The following PRKD1 variants were observed in gnomAD, a reference collection of about 807,000 sequenced individuals.
PRKD1 encodes serine/threonine-protein kinase D1.
Under a neutral mutation model 95.9 loss-of-function variants are expected in PRKD1, and 63 were observed. That is an observed-to-expected ratio of 0.66 (90% CI 0.54 to 0.81). The LOEUF (loss-of-function observed/expected upper bound fraction) is 0.81. PRKD1 is among the 30% of genes least tolerant of loss of function. The pLI is 0.00. For missense variants in PRKD1, 1,048 were observed against 1,165.3 expected (o/e 0.90, Z 1.47); for synonymous variants, 425 against 423.1 (o/e 1.00, Z -0.05).
At chr14:29,911,189 T>C (rs2139446750) in intron 1 of PRKD1, among the ~76,000 whole-genome samples, 1 of 152,318 alleles carries the variant, frequency 6.6e-6, no homozygotes, top group Middle Eastern at 3.4e-3. Context: ...TAAAGGTTTA[T>C]CAAGCAGGTG....
At chr14:29,794,121 A>G (rs552823474) in intron 1 of PRKD1, among the ~76,000 whole-genome samples, 2 of 152,198 alleles carry the variant, frequency 1.3e-5, no homozygotes, top group Non-Finnish European at 2.9e-5. Context: ...TTAGATTACA[A>G]TGCTGATTCT....
Position 29,927,637 on chromosome 14 carries a change from T to A in PRKD1, c.-125A>T. The A allele has an allele frequency of 1.4e-6, 1 of 694,240 alleles. No homozygotes were observed. The highest frequency in any genetic ancestry group is 1.8e-6 in the Non-Finnish European group (1 of 562,638). The allele number at this position is 694,240 out of a possible 1,614,324, so 43.0% of individuals were successfully genotyped here. A position where few individuals can be genotyped will look rare whatever the true frequency, so the allele number is the denominator to read the frequency against. ...GAGCCCAGACGGAAAATAAAAACTT[T>A]CCGGAAAAGTCCCTGGGCTGGGGGA... On this transcript the variant is annotated 5_prime_UTR_variant, in exon 1 of 18. Coordinates refer to ENST00000331968, the MANE Select transcript of PRKD1 (RefSeq NM_002742.3).
intron 1 of PRKD1, among the ~76,000 whole-genome samples, chr14:29,762,542 T>C (rs1888045015): frequency 6.6e-6 from 1 of 152,186 alleles, no homozygotes; most frequent in Non-Finnish European, 1.5e-5. Context: ...ACCTGTATAA[T>C]TACTAACAGA....
intron 2 of PRKD1, among the ~76,000 whole-genome samples, chr14:29,675,139 T>A (rs1186635442): frequency 6.6e-6 from 1 of 152,062 alleles, no homozygotes; most frequent in Non-Finnish European, 1.5e-5. Flanking sequence ...ACTTAGAGAC[T>A]CCCCCTATTC....
intron 1 of PRKD1, among the ~76,000 whole-genome samples, chr14:29,799,311 T>C (rs1225114639): frequency 6.6e-6 from 1 of 152,208 alleles, no homozygotes; most frequent in African/African-American, 2.4e-5. Context: ...AGAAAACAAA[T>C]TGCTTCCCTA....
intron 1 of PRKD1, among the ~76,000 whole-genome samples, chr14:29,786,848 C>G (rs1205166350): frequency 6.6e-6 from 1 of 151,526 alleles, no homozygotes; most frequent in Non-Finnish European, 1.5e-5. Flanking sequence ...CTGCTCTGAT[C>G]TTTATTTCTT....
At chr14:29,729,534 T>A (rs1010217939) in intron 1 of PRKD1, among the ~76,000 whole-genome samples, 1 of 152,068 alleles carries the variant, frequency 6.6e-6, no homozygotes, top group Admixed American at 6.6e-5. Flanking sequence ...ATTTCTTATA[T>A]CCTTTCTTTT....
At chr14:29,629,836 A>G (rs986828463) in intron 10 of PRKD1, among the ~76,000 whole-genome samples, 1 of 152,118 alleles carries the variant, frequency 6.6e-6, no homozygotes, top group African/African-American at 2.4e-5. Flanking sequence ...AATACCCTGC[A>G]CAGAATACTA....
intron 16 of PRKD1, among the ~76,000 whole-genome samples, chr14:29,580,632 A>T (rs1892726522): frequency 6.6e-6 from 1 of 152,060 alleles, no homozygotes; most frequent in Non-Finnish European, 1.5e-5. Flanking sequence ...ACTTTTCTGG[A>T]ACTCTTAAAA....
At chr14:29,618,375 CT>C (rs1222619517) in intron 13 of PRKD1, among the ~76,000 whole-genome samples, 1 of 151,964 alleles carries the variant, frequency 6.6e-6, no homozygotes, top group Admixed American at 6.6e-5. Context: ...CCTGCCTCAG[CT>C]TCCTGAGTAG....
At chr14:29,788,757 T>C (rs1167606415) in intron 1 of PRKD1, among the ~76,000 whole-genome samples, 1 of 152,170 alleles carries the variant, frequency 6.6e-6, no homozygotes, top group Non-Finnish European at 1.5e-5. Flanking sequence ...GGATTTCTGT[T>C]TGCTTCTTTC....
chr14:29,793,273 G>A (rs1440155563), intron 1 of PRKD1, among the ~76,000 whole-genome samples: 1 of 151,512 alleles, frequency 6.6e-6, no homozygotes, highest in African/African-American at 2.4e-5. Context: ...TCATCTTTAA[G>A]CTGTTGACAA....
chr14:29,588,040 A>G (rs986371878), intron 16 of PRKD1, among the ~76,000 whole-genome samples: 2 of 152,176 alleles, frequency 1.3e-5, no homozygotes, highest in African/African-American at 4.8e-5. Context: ...ATATGTTGAC[A>G]AATCAATCTA....
intron 1 of PRKD1, among the ~76,000 whole-genome samples, chr14:29,907,773 T>G (rs1033162648): frequency 2.4e-4 from 37 of 152,226 alleles, no homozygotes; most frequent in Non-Finnish European, 4.6e-4. Flanking sequence ...ACTTCAGATT[T>G]CTAAAGAATA....
chr14:29,874,316 T>C (rs766766322), intron 1 of PRKD1, among the ~76,000 whole-genome samples: 10 of 152,074 alleles, frequency 6.6e-5, no homozygotes, highest in Non-Finnish European at 1.2e-4. Context: ...TTTAAAAAGA[T>C]AAAAATAACA....
At chr14:29,855,286 G>A (rs1487408155) in intron 1 of PRKD1, among the ~76,000 whole-genome samples, 1 of 152,166 alleles carries the variant, frequency 6.6e-6, no homozygotes, top group East Asian at 1.9e-4. Flanking sequence ...TAGGGACGGA[G>A]CTGCCCAAGA....
intron 1 of PRKD1, among the ~76,000 whole-genome samples, chr14:29,776,911 T>A (rs927354148): frequency 2.0e-5 from 3 of 152,100 alleles, no homozygotes; most frequent in Admixed American, 6.5e-5. Flanking sequence ...CGGGTTACCC[T>A]CAAAGGGAAG....
chr14:29,676,043 G>A (rs1883170864), intron 2 of PRKD1, among the ~76,000 whole-genome samples: 2 of 151,778 alleles, frequency 1.3e-5, no homozygotes, highest in Non-Finnish European at 2.9e-5. Flanking sequence ...ACGCGTTAAT[G>A]GGTGCAGCAC....
intron 1 of PRKD1, among the ~76,000 whole-genome samples, chr14:29,768,292 AT>A (rs1308247660): frequency 6.6e-6 from 1 of 152,224 alleles, no homozygotes; most frequent in African/African-American, 2.4e-5. Flanking sequence ...AGTTCCCTGC[AT>A]TTCCAGTCAA....
Sources: gnomAD v4.1 joint callset for allele counts (sites outside exome capture counted in the v4.1 genomes callset) on GRCh38, gnomAD v4.1.1 for gene constraint, MANE v1.5 for transcripts, NCBI Gene and HGNC (gene_info 2026-07-23, HGNC 2026-07-21) for gene names.